The following SMARCA2 variants were observed in gnomAD, a reference collection of about 807,000 sequenced individuals.
The protein encoded by SMARCA2 is SWI/SNF-related matrix-associated actin-dependent regulator of chromatin subfamily A member 2.
SMARCA2 carries 61 observed loss-of-function variants against 199.8 expected under a neutral mutation model. The observed-to-expected ratio is 0.31, with a 90% CI of 0.25 to 0.38. The LOEUF (loss-of-function observed/expected upper bound fraction) is 0.38, where lower values mean the gene tolerates loss of function less well. Ranked by LOEUF, SMARCA2 falls within the 10% of genes least tolerant of loss-of-function variation. The pLI, the probability that SMARCA2 is intolerant of heterozygous loss-of-function variation, is 1.00. For missense variants in SMARCA2, 1,344 were observed against 2,012.2 expected, an observed-to-expected ratio of 0.67 and a Z score of 6.35; for synonymous variants, 935 against 732.0, an observed-to-expected ratio of 1.28 and a Z score of -4.48.
At chr9:2,159,033 T>G (rs1825526362) in intron 27 of SMARCA2, 1 of 1,598,382 alleles carries the variant, frequency 6.3e-7, no homozygotes, top group Admixed American at 1.7e-5. Flanking sequence ...AATAAGAATC[T>G]GCACGTATTA....
rs1258026134 is a variant in SMARCA2 at position 2,170,356 on chromosome 9, G to A, written c.4200-63G>A. ...GCCAGGTCACCCAGCCTAGGAAGAAGGAGCCGGGCGGGGACGAGAACCCAG... is the reference window on the plus strand; with the variant it reads ...GCCAGGTCACCCAGCCTAGGAAGAAAGAGCCGGGCGGGGACGAGAACCCAG... On this transcript the variant is annotated intron_variant, in intron 28 of 33. Coordinates refer to ENST00000349721, the MANE Select transcript of SMARCA2 (RefSeq NM_003070.5). This position sits in a 1 kb window ranked among gnomAD's most constrained non-coding sequence, Gnocchi z 4.7. The A allele has an allele frequency of 4.4e-6, 7 of 1,606,918 alleles. No homozygotes were observed. The highest frequency in any genetic ancestry group is 1.3e-5 in the African/African-American group (1 of 74,612).
rs1826111248 is a variant in SMARCA2, at chr9:2,169,302, C to A, written c.4200-1117C>A. 6.6e-6 allele frequency among the ~76,000 whole-genome samples: 1 copy of A among 152,170 alleles called. No individual in the cohort carries two copies. The highest frequency in any genetic ancestry group is 1.5e-5 in the Non-Finnish European group (1 of 68,024). ...TTCTGAGGCACCTAACTTGTCATTT[C>A]ATATTGTAACTTTAGAACTCTTCAC... On this transcript the variant is annotated intron_variant, in intron 28 of 33. Transcript: ENST00000349721. This position sits in a 1 kb window ranked among gnomAD's most constrained non-coding sequence, Gnocchi z 6.5.
rs1217837747 is a variant in SMARCA2 at position 2,047,249 on chromosome 9, G to C, written c.811G>C (p.Gly271Arg). 1 of 1,008,554 alleles carries C rather than the reference G, an allele frequency of 9.9e-7. No homozygotes were observed. The highest frequency in any genetic ancestry group is 1.8e-5 in the African/African-American group (1 of 57,088). 62.5% of individuals were successfully genotyped at this position (1,008,554 alleles called of 1,614,324 possible). The change falls in exon 5 of 34, where the codon GGC becomes CGC. Residue 271 changes from glycine (G) to arginine (R), a missense_variant. Coordinates refer to ENST00000349721, the MANE Select transcript of SMARCA2 (RefSeq NM_003070.5). Reference sequence around the variant, plus strand: ...CGCAGGCCCGGGGCCGGAGCTGAGCGGCCCGAGCACCCCGCAGAAGCTGCC... The same window carrying C: ...CGCAGGCCCGGGGCCGGAGCTGAGCCGCCCGAGCACCCCGCAGAAGCTGCC... ...RPSGPGPELS[G>R]PSTPQKLPVP...
At chr9:2,049,016 A>AT (rs902505155) in intron 5 of SMARCA2, among the ~76,000 whole-genome samples, 1 of 152,036 alleles carries the variant, frequency 6.6e-6, no homozygotes. Context: ...AAGAGCTGAT[A>AT]TTTTTTTTCC....
intron 23 of SMARCA2, among the ~76,000 whole-genome samples, chr9:2,105,834 G>A (rs1436075172): frequency 1.3e-5 from 2 of 152,176 alleles, no homozygotes; most frequent in African/African-American, 4.8e-5. Context: ...CAGGCGTCCT[G>A]CGTAACTATC....
Position 2,115,924 on chromosome 9 carries a change from G to A in SMARCA2, c.3559G>A (p.Ala1187Thr). ...CAGCGTGGAGGAAAAGATCCTCGCG[G>A]CCGCAAAATACAAGCTGAACGTGGA... The part of the protein sequence containing the change: ...VNSVEEKILA[A>T]AKYKLNVDQK... The change falls in exon 25 of 34, where the codon GCC (alanine) becomes ACC (threonine). Residue 1187 changes from alanine (A) to threonine (T), a missense_variant. Physicochemically the swap from Ala to Thr is moderately conservative, Grantham distance 58. Around this residue, in one of 18 missense-constraint regions of SMARCA2, gnomAD observed 36 missense variants for 172.5 expected, o/e 0.21. Coordinates refer to ENST00000349721, the MANE Select transcript of SMARCA2 (RefSeq NM_003070.5). This position sits in a 1 kb window ranked among gnomAD's most constrained non-coding sequence, Gnocchi z 6.0. 1 of 1,614,132 alleles carries A rather than the reference G, an allele frequency of 6.2e-7. No individual in the cohort carries two copies. The highest frequency in any genetic ancestry group is 8.5e-7 in the Non-Finnish European group (1 of 1,180,028).
At chr9:2,153,297 G>A (rs545661099) in intron 27 of SMARCA2, among the ~76,000 whole-genome samples, 13 of 152,324 alleles carry the variant, frequency 8.5e-5, no homozygotes, top group African/African-American at 3.1e-4. Flanking sequence ...AACACTTTGG[G>A]AGGCCAAAGC....
intron 27 of SMARCA2, among the ~76,000 whole-genome samples, chr9:2,149,216 A>T (rs1824924634): frequency 6.6e-6 from 1 of 151,064 alleles, no homozygotes; most frequent in East Asian, 1.9e-4. Context: ...AATGAGAGAG[A>T]TGCAAAAGTG....
At chr9:2,150,894 TAGC>T (rs1472183848) in intron 27 of SMARCA2, among the ~76,000 whole-genome samples, 1 of 151,558 alleles carries the variant, frequency 6.6e-6, no homozygotes, top group African/African-American at 2.4e-5. Context: ...ATCTGTGTCT[TAGC>T]AGCCTTTTCT....
rs1266433240 is a variant in SMARCA2 at position 2,131,354 on chromosome 9, A to G, written c.3981+7417A>G. On this transcript the variant is annotated intron_variant, in intron 27 of 33. Transcript: ENST00000349721. ...AGACACTTCTTTTGGTATACTGAAT[A>G]AGCTCCTGGCGATGAGGGAAGACAC... Among the ~76,000 whole-genome samples the G allele has an allele frequency of 2.6e-5, 4 of 152,160 alleles. No homozygotes were observed. In the East Asian group the frequency reaches 7.7e-4, roughly 29 times the overall value.
chr9:2,083,311 G>A, intron 15 of SMARCA2, 36 bp from the exon 16 acceptor site: 1 of 1,367,100 alleles, frequency 7.3e-7, no homozygotes, highest in Non-Finnish European at 1.0e-6. Context: ...TTATACAAAT[G>A]TCTTTTTTCT....
At chr9:2,187,549 G>T (rs984025617) in intron 32 of SMARCA2, among the ~76,000 whole-genome samples, 5 of 152,192 alleles carry the variant, frequency 3.3e-5, no homozygotes, top group Middle Eastern at 6.8e-3. Flanking sequence ...GTGGTGGCAC[G>T]TGTCTATAGT....
chr9:2,157,001 T>C (rs1240988919), intron 27 of SMARCA2, among the ~76,000 whole-genome samples: 3 of 152,220 alleles, frequency 2.0e-5, no homozygotes, highest in Non-Finnish European at 4.4e-5. Context: ...TTCTAACAGG[T>C]TGCTTGTGGA....
At chr9:2,116,713 A>G (rs960334464) in intron 25 of SMARCA2, among the ~76,000 whole-genome samples, 1 of 152,190 alleles carries the variant, frequency 6.6e-6, no homozygotes, top group Non-Finnish European at 1.5e-5. Context: ...TAGATTGCCA[A>G]CGTTAGTAAT....
chr9:2,076,363 G>C (rs999664054), intron 13 of SMARCA2, 34 bp downstream of exon 13: 2 of 1,237,782 alleles, frequency 1.6e-6, no homozygotes, highest in Admixed American at 3.4e-5. Flanking sequence ...GAAATGCATT[G>C]CATGAGGATG....
intron 8 of SMARCA2, among the ~76,000 whole-genome samples, chr9:2,060,574 C>T (rs1048434037): frequency 2.0e-5 from 3 of 152,232 alleles, no homozygotes; most frequent in Admixed American, 6.5e-5. Flanking sequence ...TCACACCACA[C>T]GTACAGTGTG....
intron 19 of SMARCA2, among the ~76,000 whole-genome samples, chr9:2,091,485 T>C (rs928028763): frequency 6.6e-6 from 1 of 152,246 alleles, no homozygotes; most frequent in African/African-American, 2.4e-5. Context: ...TTCCATTACA[T>C]GGATGCAGCG....
In SMARCA2 at chr9:2,169,619, A is replaced by G. The variant is rs1826132217; in HGVS notation, c.4200-800A>G. 6.6e-6 allele frequency among the ~76,000 whole-genome samples: 1 copy of G among 152,124 alleles called. No homozygotes were observed. On this transcript the variant is annotated intron_variant, in intron 28 of 33. Coordinates refer to ENST00000349721, the MANE Select transcript of SMARCA2 (RefSeq NM_003070.5). This position sits in a 1 kb window ranked among gnomAD's most constrained non-coding sequence, Gnocchi z 6.5. ...GCAGTGACTCCGAGAAGGGATTTAT[A>G]CATGGACAGGCACAGGCTGTGAATC...
At chr9:2,175,983 C>A (rs991305172) in intron 29 of SMARCA2, among the ~76,000 whole-genome samples, 1 of 152,018 alleles carries the variant, frequency 6.6e-6, no homozygotes, top group Non-Finnish European at 1.5e-5. Flanking sequence ...TGGGTTCAAG[C>A]GATTCTCCTG....
Sources: allele counts gnomAD v4.1 joint callset (sites outside exome capture counted in the v4.1 genomes callset), GRCh38; gene constraint gnomAD v4.1.1; regional missense constraint gnomAD v4.1.1; non-coding constraint Gnocchi (gnomAD v3.1); transcripts MANE v1.5; gene names NCBI Gene and HGNC (gene_info 2026-07-23, HGNC 2026-07-21).